Variants in COL19A1 observed in about 807,000 individuals in gnomAD.
The protein encoded by COL19A1 is collagen type XIX alpha 1 chain.
A neutral mutation model predicts 190.2 loss-of-function variants in COL19A1; 159 were observed. The observed-to-expected ratio is 0.84, with a 90% CI of 0.73 to 0.95. The LOEUF is 0.95. COL19A1 is among the 40% of genes least tolerant of loss of function. The probability of loss-of-function intolerance (pLI) is 0.00; values close to 1 mark genes in which losing one functional copy is unlikely to be tolerated. For synonymous variants in COL19A1, 509 were observed against 458.9 expected, an observed-to-expected ratio of 1.11 and a Z score of -1.39; for missense variants, 1,418 against 1,431.9, an observed-to-expected ratio of 0.99 and a Z score of 0.16.
At chr6:70,022,388 A>T (rs1253001825) in intron 11 of COL19A1, among the ~76,000 whole-genome samples, 1 of 152,204 alleles carries the variant, frequency 6.6e-6, no homozygotes, top group Non-Finnish European at 1.5e-5. Flanking sequence ...GAAGGAAAAA[A>T]ATCATCTGTA....
chr6:69,940,586 A>G (rs1773406718), intron 9 of COL19A1, among the ~76,000 whole-genome samples: 1 of 152,202 alleles, frequency 6.6e-6, no homozygotes, highest in Non-Finnish European at 1.5e-5. Context: ...CATCTGCAGT[A>G]TGTTTTAAGA....
At chr6:70,075,294 GT>G (rs1370535557) in intron 15 of COL19A1, among the ~76,000 whole-genome samples, 1 of 152,196 alleles carries the variant, frequency 6.6e-6, no homozygotes, top group Non-Finnish European at 1.5e-5. Context: ...ATGAAACTCG[GT>G]GGATAAAAAT....
intron 48 of COL19A1, among the ~76,000 whole-genome samples, chr6:70,198,992 G>T (rs1451718218): frequency 2.0e-5 from 3 of 152,190 alleles, no homozygotes; most frequent in African/African-American, 7.2e-5. Flanking sequence ...GACTTCTTGG[G>T]TGACCTCACT....
chr6:70,200,279 C>G (rs910865230), intron 49 of COL19A1, among the ~76,000 whole-genome samples: 2 of 152,188 alleles, frequency 1.3e-5, no homozygotes, highest in African/African-American at 4.8e-5. Context: ...TTCTAAAGTT[C>G]TTAAAACCCA....
intron 40 of COL19A1, 45 bp downstream of exon 40, chr6:70,168,726 T>A (rs977478804): frequency 1.7e-5 from 28 of 1,603,908 alleles, no homozygotes; most frequent in Non-Finnish European, 2.4e-5. Flanking sequence ...TATTGGTCTT[T>A]GTTAAATTTT....
intron 11 of COL19A1, 102 bp from the exon 12 acceptor site, chr6:70,023,525 G>A: frequency 1.1e-6 from 1 of 891,100 alleles, no homozygotes; most frequent in South Asian, 1.7e-5. Context: ...GTTTAGCAAA[G>A]TAATCATATT....
At chr6:70,050,318 C>G (rs1398762415) in intron 14 of COL19A1, among the ~76,000 whole-genome samples, 1 of 151,978 alleles carries the variant, frequency 6.6e-6, no homozygotes, top group Non-Finnish European at 1.5e-5. Flanking sequence ...TAATTGCTGA[C>G]AAATGTTTAT....
chr6:69,904,520 C>T (rs551059408), intron 4 of COL19A1, among the ~76,000 whole-genome samples: 1 of 152,324 alleles, frequency 6.6e-6, no homozygotes, highest in Admixed American at 6.5e-5. Context: ...GACACTGTTA[C>T]CTAACTCTCA....
chr6:69,941,060 G>C (rs1219851323), intron 9 of COL19A1, among the ~76,000 whole-genome samples: 1 of 152,174 alleles, frequency 6.6e-6, no homozygotes, highest in African/African-American at 2.4e-5. Context: ...ATATTCAGTA[G>C]TAAATTTTGT....
At chr6:69,998,469 C>A (rs1037265616) in intron 11 of COL19A1, among the ~76,000 whole-genome samples, 3 of 151,512 alleles carry the variant, frequency 2.0e-5, no homozygotes, top group African/African-American at 4.8e-5. Flanking sequence ...ATGGTGAAAC[C>A]CCATCTCTAA....
chr6:70,004,673 G>C (rs1777502067), intron 11 of COL19A1, among the ~76,000 whole-genome samples: 1 of 152,098 alleles, frequency 6.6e-6, no homozygotes, highest in African/African-American at 2.4e-5. Context: ...GTAATGCTCT[G>C]TGTATGCTTC....
At chr6:70,070,865 A>G (rs1781504747) in intron 15 of COL19A1, among the ~76,000 whole-genome samples, 1 of 152,152 alleles carries the variant, frequency 6.6e-6, no homozygotes, top group Non-Finnish European at 1.5e-5. Flanking sequence ...GTAGAAAACA[A>G]TAGTGAGAAA....
At chr6:70,142,846 T>A in intron 23 of COL19A1, 26 bp downstream of exon 23, 1 of 1,597,196 alleles carries the variant, frequency 6.3e-7, no homozygotes, top group Non-Finnish European at 8.5e-7. Flanking sequence ...TTGATATTTC[T>A]GGAATTGAAA....
chr6:70,127,930 T>A (rs1785298873), intron 17 of COL19A1, among the ~76,000 whole-genome samples: 1 of 152,182 alleles, frequency 6.6e-6, no homozygotes, highest in African/African-American at 2.4e-5. Flanking sequence ...GAGGAAGAGT[T>A]CAGGTTTTCT....
rs1313704586 is a variant in COL19A1 at position 70,034,246 on chromosome 6, G to T, written c.1082G>T (p.Gly361Val). ...PALAGLNGEN[G>V]LKGDLGPHGP... Reference sequence around the variant, plus strand: ...GTATTGGTTATATTCTTTCTACAGGGTTTGAAAGGTGACTTGGGTCCTCAT... The same window carrying T: ...GTATTGGTTATATTCTTTCTACAGGTTTTGAAAGGTGACTTGGGTCCTCAT... Residue 361 changes from glycine to valine, a missense_variant and splice_region_variant, in exon 13 of 51, where the codon GGT becomes GTT. Physicochemically the swap from Gly to Val is moderately radical, Grantham distance 109. Coordinates refer to ENST00000620364, the MANE Select transcript of COL19A1 (RefSeq NM_001858.6). 3 of 1,609,024 alleles carry T rather than the reference G, an allele frequency of 1.9e-6. No individual in the cohort carries two copies. The South Asian group carries it at 3.3e-5, about 18-fold the overall frequency.
chr6:70,156,466 C>CTA lies in COL19A1; in HGVS notation c.2238+109_2238+110dup, dbSNP rs201665439. 1,362 of 996,136 alleles carry CTA rather than the reference C, an allele frequency of 1.4e-3. 3 individuals are homozygous for CTA. The highest frequency in any genetic ancestry group is 9.9e-3 in the African/African-American group (593 of 60,130). The allele number at this position is 996,136 out of a possible 1,614,324, so 61.7% of individuals were successfully genotyped here. A position where few individuals can be genotyped will look rare whatever the true frequency, so the allele number is the denominator to read the frequency against. ...AAATAGACAACTTTTAAAATACATA[C>CTA]TATATATATATATGTATGTATGTAT... On this transcript the variant is annotated intron_variant, in intron 33 of 50. Transcript: ENST00000620364.
rs571148972 is a variant in COL19A1 at position 70,142,156 on chromosome 6, A to G, written c.1572+80A>G. 54 of 1,272,962 alleles carry G rather than the reference A, an allele frequency of 4.2e-5. 3 individuals are homozygous for G. In the Admixed American group the frequency reaches 8.7e-4, roughly 20 times the overall value. The allele number at this position is 1,272,962 out of a possible 1,614,324, so 78.9% of individuals were successfully genotyped here. A position where few individuals can be genotyped will look rare whatever the true frequency, so the allele number is the denominator to read the frequency against. ...TCTGTGTAAAACATGGTGCTTTGGTATGCCACTCATTTTCTTCACAAATGC... is the reference window on the plus strand; with the variant it reads ...TCTGTGTAAAACATGGTGCTTTGGTGTGCCACTCATTTTCTTCACAAATGC... On this transcript the variant is annotated intron_variant, in intron 22 of 50. Transcript: ENST00000620364.
At chr6:70,175,986 A>T (rs1765777945) in intron 41 of COL19A1, among the ~76,000 whole-genome samples, 1 of 152,176 alleles carries the variant, frequency 6.6e-6, no homozygotes, top group Admixed American at 6.5e-5. Context: ...AAAATATCAC[A>T]TTGGCTCTTA....
At chr6:70,024,148 A>G (rs553887984) in intron 12 of COL19A1, among the ~76,000 whole-genome samples, 2 of 152,226 alleles carry the variant, frequency 1.3e-5, no homozygotes, top group Admixed American at 1.3e-4. Flanking sequence ...CCACAGCCTC[A>G]GGGATAACAT....
Sources: allele counts gnomAD v4.1 joint callset (sites outside exome capture counted in the v4.1 genomes callset), GRCh38; gene constraint gnomAD v4.1.1; transcripts MANE v1.5; gene names NCBI Gene and HGNC (gene_info 2026-07-23, HGNC 2026-07-21).